Variants in LSAMP observed in about 807,000 individuals in gnomAD.
LSAMP encodes the protein limbic system associated membrane protein, also known as limbic system-associated membrane protein.
LSAMP carries 7 observed loss-of-function variants against 38.6 expected under a neutral mutation model. The ratio of observed to expected loss-of-function variants is 0.18; its 90% confidence interval spans 0.10 to 0.34. The LOEUF (loss-of-function observed/expected upper bound fraction) is 0.34. Ranked by LOEUF, LSAMP falls within the 10% of genes least tolerant of loss-of-function variation. The pLI is 1.00. For synonymous variants in LSAMP, 154 were observed against 166.8 expected, an observed-to-expected ratio of 0.92 and a Z score of 0.59; for missense variants, 313 against 420.0, an observed-to-expected ratio of 0.75 and a Z score of 2.23.
At chr3:115,876,278 C>CTT (rs58536199) in intron 3 of LSAMP, among the ~76,000 whole-genome samples, 20 of 123,242 alleles carry the variant, frequency 1.6e-4, no homozygotes, top group South Asian at 5.3e-4. Context: ...AAGGAAAAAG[C>CTT]TTTTTTTTTT....
intron 1 of LSAMP, among the ~76,000 whole-genome samples, chr3:116,131,747 C>T (rs4511899): frequency 0.18 from 27,029 of 151,956 alleles, 2,491 homozygotes; most frequent in Admixed American, 0.22. Flanking sequence ...AAAAAAAGTA[C>T]TTAATGATAA....
intron 1 of LSAMP, among the ~76,000 whole-genome samples, chr3:116,284,044 A>C (rs767347433): frequency 2.6e-5 from 4 of 152,134 alleles, no homozygotes; most frequent in Admixed American, 6.5e-5. Flanking sequence ...AATAGTCTCA[A>C]CTTATTTCTT....
intron 3 of LSAMP, among the ~76,000 whole-genome samples, chr3:116,005,683 A>G (rs1227026785): frequency 2.0e-5 from 3 of 152,196 alleles, no homozygotes; most frequent in African/African-American, 7.2e-5. Context: ...CAGTAACATA[A>G]CTGCCAATGG....
chr3:116,278,711 C>T (rs2047085744), intron 1 of LSAMP, among the ~76,000 whole-genome samples: 2 of 152,112 alleles, frequency 1.3e-5, no homozygotes, highest in East Asian at 1.9e-4. Flanking sequence ...ATTATCCACG[C>T]TTAATGTGAA....
chr3:116,012,705 C>T (rs1291159153), intron 3 of LSAMP, among the ~76,000 whole-genome samples: 4 of 151,956 alleles, frequency 2.6e-5, no homozygotes, highest in African/African-American at 9.7e-5. Flanking sequence ...GAAGGATAGA[C>T]CTGAATAAAG....
intron 3 of LSAMP, among the ~76,000 whole-genome samples, chr3:115,982,346 C>T (rs116471175): frequency 0.024 from 3,701 of 152,310 alleles, 109 homozygotes; most frequent in African/African-American, 0.064. Flanking sequence ...GCCAAGTTCT[C>T]TACCTAGTTT....
chr3:116,372,718 G>T (rs1451903408), intron 1 of LSAMP, among the ~76,000 whole-genome samples: 2 of 150,874 alleles, frequency 1.3e-5, no homozygotes, highest in African/African-American at 4.9e-5. Flanking sequence ...AAAAAAATGG[G>T]CAAAAGACTT....
chr3:116,164,754 ATATATAT>A (rs1405447122), intron 1 of LSAMP, among the ~76,000 whole-genome samples: 3 of 55,044 alleles, frequency 5.5e-5, no homozygotes, highest in African/African-American at 1.6e-4. Flanking sequence ...ATATATATAT[ATATATAT>A]TTTTTTTTTT....
intron 3 of LSAMP, among the ~76,000 whole-genome samples, chr3:115,854,413 G>T (rs1364987739): frequency 2.0e-5 from 3 of 150,348 alleles, no homozygotes; most frequent in Non-Finnish European, 4.5e-5. Context: ...CTCCCGAGTA[G>T]CTGGGACTAC....
At position 115,999,358 on chromosome 3, in the gene LSAMP, TC is replaced by T. The variant is rs377264243; in HGVS notation, c.514+20156del. 7.1e-3 allele frequency among the ~76,000 whole-genome samples: 1,079 copies of T among 152,268 alleles called. 6 individuals are homozygous for T. Among genetic ancestry groups the T allele is most frequent in the African/African-American group, 0.024 (989 of 41,558 alleles). On this transcript the variant is annotated intron_variant, in intron 3 of 6. Transcript: ENST00000490035. ...CTACCCTAGACTTGCTGCTTTGTTA[TC>T]CCCCAAGGACACGGGCCATTTGTCA...
At chr3:115,848,008 T>A (rs568982690) in intron 4 of LSAMP, among the ~76,000 whole-genome samples, 1 of 152,058 alleles carries the variant, frequency 6.6e-6, no homozygotes, top group South Asian at 2.1e-4. Context: ...GTACTCTGGG[T>A]TGTTACTGAA....
intron 3 of LSAMP, among the ~76,000 whole-genome samples, chr3:115,926,026 C>T (rs1937490104): frequency 6.6e-6 from 1 of 151,908 alleles, no homozygotes; most frequent in South Asian, 2.1e-4. Context: ...AGAAGGATAA[C>T]AGTACATCCT....
chr3:116,197,170 C>T (rs983765286), intron 1 of LSAMP, among the ~76,000 whole-genome samples: 5 of 152,048 alleles, frequency 3.3e-5, no homozygotes, highest in African/African-American at 1.2e-4. Flanking sequence ...CACACTCTCT[C>T]TCTCTCTCAC....
chr3:116,336,335 T>C (rs1000460928), intron 1 of LSAMP, among the ~76,000 whole-genome samples: 3 of 152,002 alleles, frequency 2.0e-5, no homozygotes, highest in African/African-American at 4.8e-5. Flanking sequence ...GCCTACAGAA[T>C]GGTAGAAAAT....
chr3:115,863,644 G>A (rs917192325), intron 3 of LSAMP, among the ~76,000 whole-genome samples: 7 of 151,694 alleles, frequency 4.6e-5, no homozygotes. Context: ...TGGGTTATGG[G>A]ATCAGGAGGC....
intron 1 of LSAMP, among the ~76,000 whole-genome samples, chr3:116,292,736 C>T (rs1186230725): frequency 2.0e-5 from 3 of 152,160 alleles, no homozygotes; most frequent in Non-Finnish European, 4.4e-5. Context: ...TTTTGGTTCC[C>T]AGCCTCATTT....
At chr3:116,152,803 GA>G (rs1259733322) in intron 1 of LSAMP, among the ~76,000 whole-genome samples, 1 of 151,980 alleles carries the variant, frequency 6.6e-6, no homozygotes. Context: ...AAATTTGTTA[GA>G]AATATGTACA....
intron 3 of LSAMP, among the ~76,000 whole-genome samples, chr3:116,005,999 A>C (rs1050907860): frequency 7.2e-5 from 11 of 152,204 alleles, no homozygotes; most frequent in Non-Finnish European, 1.0e-4. Context: ...CAGGGCAATT[A>C]AAAATCTGTG....
intron 1 of LSAMP, among the ~76,000 whole-genome samples, chr3:116,220,325 C>A (rs1405404917): frequency 1.4e-5 from 2 of 143,050 alleles, no homozygotes; most frequent in Non-Finnish European, 3.0e-5. Flanking sequence ...AAGTATCTTG[C>A]CATTTTGCCT....
Sources: allele counts gnomAD v4.1 joint callset (sites outside exome capture counted in the v4.1 genomes callset), GRCh38; gene constraint gnomAD v4.1.1; transcripts MANE v1.5; gene names NCBI Gene and HGNC (gene_info 2026-07-23, HGNC 2026-07-21).